SLF2: variants seen among roughly 807,000 people sequenced by gnomAD.
SLF2 encodes SMC5/6 complex localization factor 2, also known as SMC5-SMC6 complex localization factor protein 2.
A neutral mutation model predicts 124.3 loss-of-function variants in SLF2; 68 were observed. That is an observed-to-expected ratio of 0.55 (90% confidence interval 0.45 to 0.67). The LOEUF is 0.67. Among genes scored for constraint, SLF2 ranks in the 30% least tolerant of loss-of-function variants. SLF2 has a pLI of 0.00. For synonymous variants in SLF2, 480 were observed against 478.8 expected (o/e 1.00, Z -0.03); for missense variants, 1,246 against 1,373.7 (o/e 0.91, Z 1.47).
At chr10:100,951,014 G>A (rs577146843) in intron 17 of SLF2, among the ~76,000 whole-genome samples, 7 of 152,168 alleles carry the variant, frequency 4.6e-5, no homozygotes, top group Non-Finnish European at 1.0e-4. Flanking sequence ...GCCAAGGTGC[G>A]TGGATCACTT....
intron 18 of SLF2, among the ~76,000 whole-genome samples, chr10:100,957,330 A>ATATTTTTTTTTTTTTTTTTTTTTTTTT: frequency 1.1e-5 from 1 of 91,832 alleles, no homozygotes; most frequent in Admixed American, 1.1e-4. Flanking sequence ...GGAGTCTTCA[A>ATATTTTTTTTTTTTTTTTTTTTTTTTT]TTTTTTTTTT....
intron 11 of SLF2, among the ~76,000 whole-genome samples, chr10:100,942,075 A>C (rs185684850): frequency 1.3e-5 from 2 of 152,284 alleles, no homozygotes; most frequent in African/African-American, 4.8e-5. Flanking sequence ...CACTTCTGGC[A>C]TCAAATATAT....
At chr10:100,949,553 G>T (rs1850171078) in intron 15 of SLF2, among the ~76,000 whole-genome samples, 1 of 151,318 alleles carries the variant, frequency 6.6e-6, no homozygotes, top group Admixed American at 6.6e-5. Context: ...GGTCTCCTAA[G>T]CATTTATCCT....
intron 3 of SLF2, 56 bp from the exon 4 acceptor site, chr10:100,918,328 T>C: frequency 8.8e-7 from 1 of 1,141,144 alleles, no homozygotes; most frequent in Non-Finnish European, 1.3e-6. Context: ...GAAGAATGCC[T>C]TCACATTCTT....
At chr10:100,950,314 A>G in intron 16 of SLF2, 107 bp downstream of exon 16, 1 of 1,153,504 alleles carries the variant, frequency 8.7e-7, no homozygotes. Flanking sequence ...CACTAGACAC[A>G]TTCTAGCAAA....
At chr10:100,930,186 A>C (rs1450456566) in intron 8 of SLF2, among the ~76,000 whole-genome samples, 189 bp downstream of exon 8, 1 of 152,196 alleles carries the variant, frequency 6.6e-6, no homozygotes, top group Non-Finnish European at 1.5e-5. Context: ...GTTGTTTGAC[A>C]CATCTCATGC....
At chr10:100,952,572 A>G (rs1850239470) in intron 17 of SLF2, among the ~76,000 whole-genome samples, 1 of 151,258 alleles carries the variant, frequency 6.6e-6, no homozygotes, top group Non-Finnish European at 1.5e-5. Flanking sequence ...AAAAAAATAC[A>G]TAGTATCTCC....
chr10:100,921,543 A>G (rs1481758343), intron 4 of SLF2, among the ~76,000 whole-genome samples: 1 of 152,222 alleles, frequency 6.6e-6, no homozygotes, highest in East Asian at 1.9e-4. Flanking sequence ...CCTGACCTGA[A>G]GAGCTTGCTA....
chr10:100,925,101 A>G (rs934620364), intron 5 of SLF2, 129 bp downstream of exon 5: 89 of 1,002,046 alleles, frequency 8.9e-5, no homozygotes, highest in Non-Finnish European at 1.2e-4. Flanking sequence ...CTGAAAATGG[A>G]ATAATTCTTG....
intron 9 of SLF2, among the ~76,000 whole-genome samples, chr10:100,933,935 T>C (rs1849795008): frequency 6.6e-6 from 1 of 152,170 alleles, no homozygotes; most frequent in Non-Finnish European, 1.5e-5. Context: ...CACCTCGGCC[T>C]CCCAAAGTTC....
At chr10:100,926,156 A>C in intron 6 of SLF2, 137 bp downstream of exon 6, 1 of 1,561,204 alleles carries the variant, frequency 6.4e-7, no homozygotes. Context: ...TGTTAGAATA[A>C]GATATGTTGG....
chr10:100,917,048 C>A lies in SLF2; in HGVS notation c.663C>A (p.Ser221Arg). 1 of 1,614,154 alleles carries A rather than the reference C, an allele frequency of 6.2e-7. No individual in the cohort carries two copies. The highest frequency in any genetic ancestry group is 8.5e-7 in the Non-Finnish European group (1 of 1,180,026). ...CCAGAAGCCTTAGCAGCAGGAGCAG[C>A]CTGTCCAGGCACCACCCGGAAGAAA... ...NSSRSLSSRS[S>R]LSRHHPEESP... is the part of the protein sequence containing the mutation. Residue 221 changes from serine (S) to arginine (R), a missense_variant, in exon 3 of 20, where the codon AGC becomes AGA. Around this residue, in one of 3 missense-constraint regions of SLF2, gnomAD observed 698 missense variants for 708.9 expected, o/e 0.98. Coordinates refer to ENST00000238961, the MANE Select transcript of SLF2 (RefSeq NM_018121.4).
intron 9 of SLF2, among the ~76,000 whole-genome samples, chr10:100,936,173 T>G (rs1194143314): frequency 5.9e-5 from 9 of 151,612 alleles, no homozygotes; most frequent in Non-Finnish European, 1.0e-4. Context: ...AGTGTAAAAG[T>G]TTTAACCAAA....
intron 17 of SLF2, among the ~76,000 whole-genome samples, chr10:100,952,092 AAGTT>A (rs1337198461): frequency 2.0e-5 from 3 of 151,496 alleles, no homozygotes; most frequent in African/African-American, 7.3e-5. Context: ...GAAATACAAA[AAGTT>A]AGCCGGGCGT....
At position 100,947,751 on chromosome 10, in the gene SLF2, T is replaced by G; in HGVS notation, c.3033-9T>G. The G allele has an allele frequency of 6.3e-7, 1 of 1,595,156 alleles. No homozygotes were observed. Among genetic ancestry groups the G allele is most frequent in the Non-Finnish European group, 8.6e-7 (1 of 1,166,528 alleles). ...ATACATTCTAAATACTTTTAACTTC[T>G]AATTCTAGGCAACTGAGACAGTGCC... is the stretch of plus-strand genomic sequence containing the variant. On this transcript the variant is annotated splice_polypyrimidine_tract_variant and intron_variant, in intron 14 of 19. Coordinates refer to ENST00000238961, the MANE Select transcript of SLF2 (RefSeq NM_018121.4).
Position 100,924,638 on chromosome 10 carries a change from G to T in SLF2, c.1637G>T (p.Arg546Leu), listed in dbSNP as rs771148586. ...GGGAAAATTTCTGGGGGACCTTTGC[G>T]CTCAGAATATGGCACTCCTACAAAG... ...SSGKISGGPL[R>L]SEYGTPTKSP... The change falls in exon 5 of 20, where the codon CGC becomes CTC. Residue 546 changes from arginine to leucine, a missense_variant. Arg to Leu is a moderately radical substitution (Grantham distance 102). Around this residue, in one of 3 missense-constraint regions of SLF2, gnomAD observed 698 missense variants for 708.9 expected, o/e 0.98. Coordinates refer to ENST00000238961, the MANE Select transcript of SLF2 (RefSeq NM_018121.4). The T allele has an allele frequency of 5.0e-6, 8 of 1,614,004 alleles. No homozygotes were observed. In the Admixed American group the frequency reaches 5.0e-5, roughly 10 times the overall value.
intron 11 of SLF2, among the ~76,000 whole-genome samples, chr10:100,939,262 G>A (rs1015104016): frequency 2.0e-5 from 3 of 152,190 alleles, no homozygotes; most frequent in Non-Finnish European, 2.9e-5. Flanking sequence ...GCTTACACCT[G>A]TAATCCCAAC....
chr10:100,955,861 G>T (rs567336321), intron 17 of SLF2, among the ~76,000 whole-genome samples: 2 of 150,592 alleles, frequency 1.3e-5, no homozygotes, highest in East Asian at 1.9e-4. Flanking sequence ...AGCTGAGATC[G>T]CACCACTGCA....
At chr10:100,926,095 T>C (rs1205280249) in intron 6 of SLF2, 76 bp downstream of exon 6, 1 of 1,611,850 alleles carries the variant, frequency 6.2e-7, no homozygotes, top group Non-Finnish European at 8.5e-7. Flanking sequence ...ATTTACCTTT[T>C]TTAAAAAATC....
Sources: allele counts gnomAD v4.1 joint callset (sites outside exome capture counted in the v4.1 genomes callset), GRCh38; gene constraint gnomAD v4.1.1; regional missense constraint gnomAD v4.1.1; transcripts MANE v1.5; gene names NCBI Gene and HGNC (gene_info 2026-07-23, HGNC 2026-07-21).